The following HIPK2 variants were observed in gnomAD, a reference collection of about 807,000 sequenced individuals.
HIPK2 encodes the protein homeodomain-interacting protein kinase 2.
In HIPK2, 27 loss-of-function variants were observed where a neutral mutation model predicts 113.7. The observed-to-expected ratio is 0.24, with a 90% CI of 0.17 to 0.33. HIPK2 has a LOEUF of 0.33. HIPK2 is among the 10% of genes least tolerant of loss of function. HIPK2 has a pLI of 1.00. For missense variants in HIPK2, 1,257 were observed against 1,588.0 expected (o/e 0.79, Z 3.54); for synonymous variants, 631 against 642.2 (o/e 0.98, Z 0.26).
intron 2 of HIPK2, among the ~76,000 whole-genome samples, chr7:139,705,292 G>C (rs560176516): frequency 6.6e-6 from 1 of 152,274 alleles, no homozygotes; most frequent in African/African-American, 2.4e-5. Context: ...CAGAGGGCGA[G>C]TTACACGCAT....
chr7:139,650,158 T>C (rs958225968), intron 2 of HIPK2, among the ~76,000 whole-genome samples: 7 of 152,040 alleles, frequency 4.6e-5, no homozygotes, highest in African/African-American at 1.7e-4. Context: ...AAGACCAGCC[T>C]GGCCAACATG....
Position 139,716,661 on chromosome 7 carries a change from G to A in HIPK2, c.374C>T (p.Thr125Ile), listed in dbSNP as rs759036858. 6.2e-7 allele frequency: 1 copy of A among 1,613,916 alleles called. No homozygotes were observed. Among genetic ancestry groups the A allele is most frequent in the Non-Finnish European group, 8.5e-7 (1 of 1,179,874 alleles). ...MRRSTVSLLD[T>I]YQKCGLKRKS... is the part of the protein sequence containing the mutation. ...ACGCTTGAGTCCACATTTTTGGTAG[G>A]TATCAAGGAGGCTCACAGTGCTTCG... Residue 125 changes from threonine (T) to isoleucine (I), a missense_variant, in exon 2 of 15, where the codon ACC (threonine) becomes ATC (isoleucine). Thr to Ile is a moderately conservative substitution (Grantham distance 89). Coordinates refer to ENST00000406875, the MANE Select transcript of HIPK2 (RefSeq NM_022740.5). The surrounding 1 kb of genome is among the most constrained non-coding windows in gnomAD (Gnocchi z 9.3).
rs1028259426 is a variant in HIPK2 at position 139,565,133 on chromosome 7, T to C, written c.*7794A>G. ...CAAAAAAGGCTAAAACCAGGATGAA[T>C]GCCCACATTTGAGGTAATTATTGCC... On this transcript the variant is annotated 3_prime_UTR_variant, in exon 15 of 15. Coordinates refer to ENST00000406875, the MANE Select transcript of HIPK2 (RefSeq NM_022740.5). 6.6e-6 allele frequency: 1 copy of C among 152,060 alleles called. No individual in the cohort carries two copies. The highest frequency in any genetic ancestry group is 1.5e-5 in the Non-Finnish European group (1 of 68,018). The allele number at this position is 152,060 out of a possible 1,614,324, so 9.4% of individuals were successfully genotyped here.
intron 1 of HIPK2, among the ~76,000 whole-genome samples, chr7:139,766,986 G>A (rs1220987837): frequency 6.6e-6 from 1 of 152,174 alleles, no homozygotes; most frequent in African/African-American, 2.4e-5. Context: ...GAAGTCGGAG[G>A]CTGGATCTGC....
intron 1 of HIPK2, among the ~76,000 whole-genome samples, chr7:139,757,100 A>G (rs1328967741): frequency 6.6e-6 from 1 of 152,214 alleles, no homozygotes; most frequent in Non-Finnish European, 1.5e-5. Flanking sequence ...AGAGCTAAAA[A>G]TCATCCTCCT....
At chr7:139,689,106 C>A (rs1794321106) in intron 2 of HIPK2, among the ~76,000 whole-genome samples, 1 of 152,178 alleles carries the variant, frequency 6.6e-6, no homozygotes, top group African/African-American at 2.4e-5. Flanking sequence ...CTTCGTGCAG[C>A]CTGGAGACGC....
chr7:139,657,849 G>T (rs552594612), intron 2 of HIPK2, among the ~76,000 whole-genome samples: 6 of 152,168 alleles, frequency 3.9e-5, no homozygotes, highest in Admixed American at 1.3e-4. Flanking sequence ...AAGTGCTCAC[G>T]AAAACACAAC....
chr7:139,588,471 ACAC>A (rs1255675912), intron 12 of HIPK2, among the ~76,000 whole-genome samples: 1 of 151,762 alleles, frequency 6.6e-6, no homozygotes, highest in Non-Finnish European at 1.5e-5. Flanking sequence ...AGCTGAGATC[ACAC>A]CACTACAATC....
At chr7:139,610,493 A>G (rs927965957) in intron 9 of HIPK2, among the ~76,000 whole-genome samples, 4 of 152,206 alleles carry the variant, frequency 2.6e-5, no homozygotes, top group Admixed American at 1.3e-4. Context: ...AGGAAGCTAC[A>G]AGGACCCATT....
At chr7:139,626,372 G>C (rs1183519289) in intron 6 of HIPK2, among the ~76,000 whole-genome samples, 2 of 151,818 alleles carry the variant, frequency 1.3e-5, no homozygotes, top group Non-Finnish European at 2.9e-5. Context: ...CAAAGTGCTA[G>C]GATTACAGGC....
chr7:139,584,938 T>C (rs948509874), intron 12 of HIPK2, among the ~76,000 whole-genome samples: 3 of 152,214 alleles, frequency 2.0e-5, no homozygotes, highest in African/African-American at 7.2e-5. Flanking sequence ...TTGGCCGGCA[T>C]GTTTGTTCAG....
At chr7:139,601,196 T>C (rs1799412827) in intron 10 of HIPK2, among the ~76,000 whole-genome samples, 1 of 151,684 alleles carries the variant, frequency 6.6e-6, no homozygotes, top group Admixed American at 6.6e-5. Flanking sequence ...TGAGCCGAGA[T>C]TGTGCCACTG....
intron 6 of HIPK2, among the ~76,000 whole-genome samples, chr7:139,623,601 G>A (rs1002026669): frequency 2.6e-5 from 4 of 151,762 alleles, no homozygotes; most frequent in African/African-American, 7.3e-5. Context: ...CCTTTGTACC[G>A]GAGTTCAGTT....
At chr7:139,625,731 A>G (rs10256326) in intron 6 of HIPK2, among the ~76,000 whole-genome samples, 28,130 of 152,124 alleles carry the variant, frequency 0.18, 3,689 homozygotes, top group African/African-American at 0.38. Flanking sequence ...ACTTGTCCTC[A>G]TAGCAGCCTG....
intron 8 of HIPK2, 65 bp downstream of exon 8, chr7:139,614,221 G>A (rs937061577): frequency 6.2e-6 from 8 of 1,293,088 alleles, no homozygotes; most frequent in South Asian, 4.5e-5. Flanking sequence ...GAAAACTGCA[G>A]GTGCCGGAGC....
Position 139,777,726 on chromosome 7 carries a change from C to T in HIPK2, c.-103G>A. 1 of 1,020,270 alleles carries T rather than the reference C, an allele frequency of 9.8e-7. No individual in the cohort carries two copies. The highest frequency in any genetic ancestry group is 1.2e-6 in the Non-Finnish European group (1 of 847,888). The allele number at this position is 1,020,270 out of a possible 1,614,324, so 63.2% of individuals were successfully genotyped here. On this transcript the variant is annotated 5_prime_UTR_variant, in exon 1 of 15. Transcript: ENST00000406875. ...GGAATCTGCCATCTTGAGCCTGTGT[C>T]TCCGCTCTCGGCGCAGCCGAGGCCG...
intron 1 of HIPK2, among the ~76,000 whole-genome samples, chr7:139,731,996 G>A (rs1203709993): frequency 1.3e-5 from 2 of 152,158 alleles, no homozygotes; most frequent in Non-Finnish European, 2.9e-5. Context: ...AAGCTGGAGT[G>A]TGGGGAAAGT....
In HIPK2 at chr7:139,572,765, C is replaced by CCA; in HGVS notation, c.*161_*162insTG. ...TCCCGACCCGTCCCCCTGCCCTCTGCCCCCCCCCCCCCCCCCGCCCCTGCC... is the reference window on the plus strand; with the variant it reads ...TCCCGACCCGTCCCCCTGCCCTCTGCCACCCCCCCCCCCCCCCCGCCCCTGCC... On this transcript the variant is annotated 3_prime_UTR_variant, in exon 15 of 15. Coordinates refer to ENST00000406875, the MANE Select transcript of HIPK2 (RefSeq NM_022740.5). 1.5e-3 allele frequency: 4 copies of CCA among 2,624 alleles called. No homozygotes were observed. Among genetic ancestry groups the CCA allele is most frequent in the South Asian group, 8.5e-3 (1 of 118 alleles). The allele number at this position is 2,624 out of a possible 1,614,324, so 0.2% of individuals were successfully genotyped here.
chr7:139,758,747 A>C (rs1796402645), intron 1 of HIPK2, among the ~76,000 whole-genome samples: 2 of 151,978 alleles, frequency 1.3e-5, no homozygotes, highest in South Asian at 4.1e-4. Flanking sequence ...AACCACCCCC[A>C]CCCCCAGTCC....
Sources: allele counts gnomAD v4.1 joint callset (sites outside exome capture counted in the v4.1 genomes callset), GRCh38; gene constraint gnomAD v4.1.1; non-coding constraint Gnocchi (gnomAD v3.1); transcripts MANE v1.5; gene names NCBI Gene and HGNC (gene_info 2026-07-23, HGNC 2026-07-21).